EML1: variants seen among roughly 807,000 people sequenced by gnomAD.
EML1 encodes the protein EMAP like 1, also known as echinoderm microtubule-associated protein-like 1.
EML1 carries 27 observed loss-of-function variants against 110.4 expected under a neutral mutation model. The observed-to-expected ratio is 0.24, with a 90% CI of 0.18 to 0.34. The LOEUF (loss-of-function observed/expected upper bound fraction) is 0.34. EML1 is among the 10% of genes least tolerant of loss of function. The pLI is 1.00. For missense variants in EML1, 741 were observed against 1,030.9 expected, an observed-to-expected ratio of 0.72 and a Z score of 3.85; for synonymous variants, 344 against 385.8, an observed-to-expected ratio of 0.89 and a Z score of 1.27.
chr14:99,816,301 C>G (rs1487546655), intron 1 of EML1, among the ~76,000 whole-genome samples: 1 of 152,172 alleles, frequency 6.6e-6, no homozygotes, highest in Non-Finnish European at 1.5e-5. Flanking sequence ...GTAGCTGGGA[C>G]TACAAACGCC....
intron 2 of EML1, among the ~76,000 whole-genome samples, chr14:99,854,710 T>C (rs1378410073): frequency 2.0e-5 from 3 of 152,188 alleles, no homozygotes. Context: ...GCTGGCTTGG[T>C]TCATGTTGGA....
At chr14:99,835,412 T>C (rs1471472321) in intron 1 of EML1, among the ~76,000 whole-genome samples, 1 of 152,226 alleles carries the variant, frequency 6.6e-6, no homozygotes, top group Admixed American at 6.5e-5. Flanking sequence ...CTCAGTGAAC[T>C]AGCTTTTCAT....
chr14:99,770,211 T>G (rs2057409161), upstream of EML1, among the ~76,000 whole-genome samples: 1 of 152,158 alleles, frequency 6.6e-6, no homozygotes, highest in Non-Finnish European at 1.5e-5. Flanking sequence ...CATTTATTGC[T>G]CACAGTTCTG....
chr14:99,797,115 C>T (rs912285459), intron 1 of EML1, among the ~76,000 whole-genome samples: 1 of 152,134 alleles, frequency 6.6e-6, no homozygotes, highest in African/African-American at 2.4e-5. Flanking sequence ...CTCCATGTTC[C>T]CCCATCGCCC....
At chr14:99,811,028 A>G (rs1371445210) in intron 1 of EML1, among the ~76,000 whole-genome samples, 1 of 151,930 alleles carries the variant, frequency 6.6e-6, no homozygotes, top group Non-Finnish European at 1.5e-5. Flanking sequence ...CTACATCCAG[A>G]TATGTCTGTC....
chr14:99,879,040 A>G (rs2059342409), intron 4 of EML1, among the ~76,000 whole-genome samples: 1 of 152,210 alleles, frequency 6.6e-6, no homozygotes, highest in Admixed American at 6.5e-5. Context: ...AGTGGCTGAA[A>G]AGTTGTAATT....
upstream of EML1, among the ~76,000 whole-genome samples, chr14:99,772,623 A>G (rs2140204327): frequency 6.6e-6 from 1 of 152,296 alleles, no homozygotes; most frequent in African/African-American, 2.4e-5. Flanking sequence ...ATTATTTTGT[A>G]TAGCGTTTGT....
chr14:99,932,363 C>T (rs1338905547), intron 17 of EML1, among the ~76,000 whole-genome samples: 4 of 152,098 alleles, frequency 2.6e-5, no homozygotes, highest in African/African-American at 9.7e-5. Flanking sequence ...GGGGGCCGGG[C>T]GCGGTGGCTC....
chr14:99,768,456 G>A (rs1438955601), upstream of EML1, among the ~76,000 whole-genome samples: 1 of 152,102 alleles, frequency 6.6e-6, no homozygotes, highest in Non-Finnish European at 1.5e-5. Context: ...AAGGAACTCG[G>A]GCACAGGCGC....
Position 99,850,796 on chromosome 14 carries a change from T to A in EML1, c.68-57T>A, listed in dbSNP as rs1485634175. Reference sequence around the variant, plus strand: ...AACAGCATGCTAGATAGAGTATGTTTATAGATCTGATTTCCGGGGAACACT... The same window carrying A: ...AACAGCATGCTAGATAGAGTATGTTAATAGATCTGATTTCCGGGGAACACT... On this transcript the variant is annotated intron_variant, in intron 1 of 21. Coordinates refer to ENST00000262233, the MANE Select transcript of EML1 (RefSeq NM_004434.3). 8 of 1,576,128 alleles carry A rather than the reference T, an allele frequency of 5.1e-6. No individual in the cohort carries two copies. In the Admixed American group the frequency reaches 6.8e-5, roughly 13 times the overall value.
intron 17 of EML1, among the ~76,000 whole-genome samples, chr14:99,926,860 C>T (rs2140102082): frequency 6.6e-6 from 1 of 152,262 alleles, no homozygotes; most frequent in Non-Finnish European, 1.5e-5. Context: ...CCTCCCACCT[C>T]AGCCTCCCGA....
intron 10 of EML1, among the ~76,000 whole-genome samples, chr14:99,908,815 G>A (rs910989418): frequency 2.6e-5 from 4 of 152,148 alleles, no homozygotes; most frequent in African/African-American, 9.7e-5. Context: ...CTGGGGAAAC[G>A]GGCAGCCAGA....
At chr14:99,819,668 C>G (rs892075793) in intron 1 of EML1, among the ~76,000 whole-genome samples, 5 of 152,156 alleles carry the variant, frequency 3.3e-5, no homozygotes, top group African/African-American at 1.2e-4. Flanking sequence ...CGTCTTAGAG[C>G]TTGGTGTCAG....
intron 10 of EML1, among the ~76,000 whole-genome samples, chr14:99,908,009 T>C (rs2140041114): frequency 6.6e-6 from 1 of 152,398 alleles, no homozygotes; most frequent in Middle Eastern, 3.4e-3. Flanking sequence ...ATGTATTTGC[T>C]GGCTGTTCCT....
rs373235506 is a variant in EML1, at chr14:99,870,357, G to A, written c.383+4711G>A. On this transcript the variant is annotated intron_variant, in intron 3 of 21. Transcript: ENST00000262233. ...GGTTGGCTCATGAGGTTTAAGGGAA[G>A]ATGCCCTCTCCATAACATAAAAGTG... Among the ~76,000 whole-genome samples the A allele has an allele frequency of 6.0e-4, 91 of 152,314 alleles. 1 individual carries two copies. The highest frequency in any genetic ancestry group is 2.1e-3 in the African/African-American group (88 of 41,558).
intron 1 of EML1, among the ~76,000 whole-genome samples, chr14:99,840,356 T>A (rs2058613408): frequency 6.6e-6 from 1 of 152,250 alleles, no homozygotes; most frequent in Non-Finnish European, 1.5e-5. Context: ...AGAACTCATA[T>A]GGTGAAAAGA....
At chr14:99,891,304 A>G in intron 5 of EML1, 77 bp downstream of exon 5, 1 of 1,586,658 alleles carries the variant, frequency 6.3e-7, no homozygotes, top group Non-Finnish European at 8.6e-7. Context: ...AGAAGTAGCC[A>G]GCTTCAGGGG....
At chr14:99,857,463 T>G (rs1476808958) in intron 2 of EML1, among the ~76,000 whole-genome samples, 2 of 152,220 alleles carry the variant, frequency 1.3e-5, no homozygotes, top group Admixed American at 6.5e-5. Flanking sequence ...CTGACCCTTT[T>G]AAAATGTACG....
chr14:99,855,500 T>A (rs1262416071), intron 2 of EML1, among the ~76,000 whole-genome samples: 1 of 152,222 alleles, frequency 6.6e-6, no homozygotes, highest in Non-Finnish European at 1.5e-5. Flanking sequence ...CACACACAGC[T>A]GATTTTCATT....
Sources: allele counts gnomAD v4.1 joint callset (sites outside exome capture counted in the v4.1 genomes callset), GRCh38; gene constraint gnomAD v4.1.1; transcripts MANE v1.5; gene names NCBI Gene and HGNC (gene_info 2026-07-23, HGNC 2026-07-21).